OARD1: variants seen among roughly 807,000 people sequenced by gnomAD.
OARD1 encodes O-acyl-ADP-ribose deacylase 1.
Under a neutral mutation model 19.7 loss-of-function variants are expected in OARD1, and 19 were observed. That is an observed-to-expected ratio of 0.96 (90% CI 0.67 to 1.41). The LOEUF is 1.41. OARD1 is among the 40% of genes most tolerant of loss of function. OARD1 has a pLI of 0.00. For missense variants in OARD1, 190 were observed against 183.8 expected (o/e 1.03, Z -0.20); for synonymous variants, 70 against 61.8 (o/e 1.13, Z -0.62).
At chr6:41,080,385 A>G (rs1313458879) in intron 1 of OARD1, among the ~76,000 whole-genome samples, 1 of 151,882 alleles carries the variant, frequency 6.6e-6, no homozygotes, top group Non-Finnish European at 1.5e-5. Context: ...GTGATTAATT[A>G]CTCCTCCTTT....
rs754144102 is a variant in OARD1 at position 41,066,696 on chromosome 6, C to T, written c.*639G>A. 25 of 152,138 alleles carry T rather than the reference C, an allele frequency of 1.6e-4. No individual in the cohort carries two copies. The highest frequency in any genetic ancestry group is 3.9e-4 in the Admixed American group (6 of 15,268). The allele number at this position is 152,138 out of a possible 1,614,324, so 9.4% of individuals were successfully genotyped here. A position where few individuals can be genotyped will look rare whatever the true frequency, so the allele number is the denominator to read the frequency against. The stretch of plus-strand genomic sequence containing the variant: ...TTATTTCTCACTTTGCTTCTCCTCC[C>T]GCTTGGACCCTTTGTCTGACTGTTT... On this transcript the variant is annotated 3_prime_UTR_variant, in exon 6 of 6. Coordinates refer to ENST00000424266, the MANE Select transcript of OARD1 (RefSeq NM_001329686.2).
At chr6:41,070,015 C>A in intron 4 of OARD1, 61 bp downstream of exon 4, 1 of 986,594 alleles carries the variant, frequency 1.0e-6, no homozygotes, top group South Asian at 1.3e-5. Context: ...CATCTGTTCA[C>A]AAATCCTTAA....
At chr6:41,086,922 A>AT (rs1366941225) in intron 1 of OARD1, among the ~76,000 whole-genome samples, 12 of 152,178 alleles carry the variant, frequency 7.9e-5, no homozygotes, top group African/African-American at 2.9e-4. Flanking sequence ...AAAAGAAAAT[A>AT]TAAGAATTTT....
intron 1 of OARD1, chr6:41,091,543 C>T (rs1438003370): frequency 6.2e-7 from 1 of 1,613,512 alleles, no homozygotes. Context: ...GTCCCTGTTT[C>T]AGGCATGATC....
At position 41,068,875 on chromosome 6, in the gene OARD1, G is replaced by C. The variant is rs544955450; in HGVS notation, c.322C>G (p.Leu108Val). Residue 108 changes from leucine to valine, a missense_variant, in exon 5 of 6, where the codon CTG becomes GTG. Transcript: ENST00000424266. ...GAGAGGTCAGTGACTCCATTCTTCA[G>C]ACAATGAGACTTCATTGCCTCTAAA... ...KSLEAMKSHCLKNGVTDLSMP... is the reference protein window; with the variant it reads ...KSLEAMKSHCVKNGVTDLSMP... 1.2e-6 allele frequency: 2 copies of C among 1,607,560 alleles called. No homozygotes were observed. Among genetic ancestry groups the C allele is most frequent in the African/African-American group, 2.7e-5 (2 of 74,804 alleles).
chr6:41,092,885 A>G (rs1764231967), intron 1 of OARD1: 3 of 1,601,010 alleles, frequency 1.9e-6, no homozygotes, highest in Middle Eastern at 1.7e-4. Context: ...CATGCCACCA[A>G]TAAGCTCTGG....
intron 1 of OARD1, chr6:41,090,146 C>T (rs1233835541): frequency 5.1e-6 from 6 of 1,171,832 alleles, no homozygotes; most frequent in South Asian, 2.5e-5. Flanking sequence ...AGGACTACAT[C>T]GTTCTTTGTT....
intron 3 of OARD1, chr6:41,070,785 A>C: frequency 2.0e-6 from 1 of 498,946 alleles, no homozygotes; most frequent in Admixed American, 3.9e-5. Flanking sequence ...TGTAAGGAAG[A>C]AGAGGTTTCT....
rs56033865 is a variant in OARD1, at chr6:41,071,361, G to A, written c.40-85C>T. ...TTTTTCTGTATTTTGTGTCCCCCAC[G>A]ACTACCTCTCCCGGCACCCCTTCCT... On this transcript the variant is annotated intron_variant, in intron 2 of 5. Coordinates refer to ENST00000424266, the MANE Select transcript of OARD1 (RefSeq NM_001329686.2). The A allele has an allele frequency of 0.1, 136,499 of 1,338,790 alleles. 7,286 individuals carry two copies. Among genetic ancestry groups the A allele is most frequent in the South Asian group, 0.11 (8,677 of 79,138 alleles). The allele number at this position is 1,338,790 out of a possible 1,614,324, so 82.9% of individuals were successfully genotyped here. A position where few individuals can be genotyped will look rare whatever the true frequency, so the allele number is the denominator to read the frequency against.
intron 1 of OARD1, among the ~76,000 whole-genome samples, chr6:41,086,109 T>G (rs1356068765): frequency 1.3e-5 from 2 of 152,236 alleles, no homozygotes; most frequent in African/African-American, 4.8e-5. Flanking sequence ...TTCTTCTCTC[T>G]TTGCTTCCTC....
At chr6:41,076,382 C>T (rs1173792488), upstream of OARD1, among the ~76,000 whole-genome samples, 1 of 152,154 alleles carries the variant, frequency 6.6e-6, no homozygotes, top group Non-Finnish European at 1.5e-5. Context: ...GTGTTTCTTA[C>T]TAAGGGTTGT....
At chr6:41,090,076 C>G (rs1361984287) in intron 1 of OARD1, 10 of 628,186 alleles carry the variant, frequency 1.6e-5, no homozygotes, top group African/African-American at 1.3e-4. Context: ...CGCCACTGCA[C>G]TGCACTCCAG....
At chr6:41,094,289 C>A in intron 1 of OARD1, 1 of 905,718 alleles carries the variant, frequency 1.1e-6, no homozygotes, top group Non-Finnish European at 1.7e-6. Context: ...TCCCTTGTGA[C>A]TTTGATCCCA....
intron 1 of OARD1, among the ~76,000 whole-genome samples, chr6:41,079,798 C>T (rs548296144): frequency 6.6e-6 from 1 of 152,136 alleles, no homozygotes; most frequent in Non-Finnish European, 1.5e-5. Context: ...TATTATGTTT[C>T]TATTTGACCT....
intron 1 of OARD1, chr6:41,097,460 A>T: frequency 1.3e-6 from 2 of 1,585,520 alleles, no homozygotes; most frequent in Non-Finnish European, 1.7e-6. Context: ...TCACTGTTCC[A>T]GGAAATTGAT....
chr6:41,080,811 C>T (rs763937380), intron 1 of OARD1: 1 of 1,612,810 alleles, frequency 6.2e-7, no homozygotes, highest in South Asian at 1.1e-5. Context: ...CTGTTCTCAG[C>T]AGCAGGGTGG....
At chr6:41,071,067 A>T in intron 3 of OARD1, 65 bp downstream of exon 3, 1 of 1,485,700 alleles carries the variant, frequency 6.7e-7, no homozygotes, top group Non-Finnish European at 9.4e-7. Context: ...ATATTTTATT[A>T]AAGTGTAACA....
intron 1 of OARD1, among the ~76,000 whole-genome samples, chr6:41,079,868 G>A (rs767497): frequency 6.6e-6 from 1 of 152,162 alleles, no homozygotes; most frequent in Non-Finnish European, 1.5e-5. Flanking sequence ...AGCTAATATA[G>A]AAAAGTAGTA....
chr6:41,090,004 G>A lies in OARD1; in HGVS notation c.-42+7709C>T, dbSNP rs1484791822. 5.3e-5 allele frequency among the ~76,000 whole-genome samples: 8 copies of A among 152,194 alleles called. No individual in the cohort carries two copies. The East Asian group carries it at 5.8e-4, about 11-fold the overall frequency. The stretch of plus-strand genomic sequence containing the variant: ...CGCATGCCTGTAATCCCAGCTACTC[G>A]GGAGGCTGAGGCAGAGAATCGCTTG... On this transcript the variant is annotated intron_variant, in intron 1 of 4. Coordinates refer to the OARD1 transcript ENST00000480585.
Sources: gnomAD v4.1 joint callset for allele counts (sites outside exome capture counted in the v4.1 genomes callset) on GRCh38, gnomAD v4.1.1 for gene constraint, MANE v1.5 for transcripts, NCBI Gene and HGNC (gene_info 2026-07-23, HGNC 2026-07-21) for gene names.